SLCO4A1: variants seen among roughly 807,000 people sequenced by gnomAD.
SLCO4A1 encodes colon organic anion transporter.
In SLCO4A1, 51 loss-of-function variants were observed where a neutral mutation model predicts 64.6. That is an observed-to-expected ratio of 0.79 (90% CI 0.63 to 1.00). SLCO4A1 has a LOEUF of 1.00. SLCO4A1 is among the 50% of genes least tolerant of loss of function. The pLI, the probability that SLCO4A1 is intolerant of heterozygous loss-of-function variation, is 0.00. For synonymous variants in SLCO4A1, 471 were observed against 444.9 expected, an observed-to-expected ratio of 1.06 and a Z score of -0.74; for missense variants, 919 against 980.5, an observed-to-expected ratio of 0.94 and a Z score of 0.84.
At chr20:62,655,940 C>T (rs1983626319) in intron 1 of SLCO4A1, among the ~76,000 whole-genome samples, 1 of 152,220 alleles carries the variant, frequency 6.6e-6, no homozygotes, top group African/African-American at 2.4e-5. Context: ...GTGGCTGACA[C>T]AGCGAGCGGG....
intron 10 of SLCO4A1, 78 bp downstream of exon 10, chr20:62,668,619 A>T (rs1306364357): frequency 7.4e-7 from 1 of 1,347,286 alleles, no homozygotes. Flanking sequence ...GTGTCTAACC[A>T]CCAAGGGGAT....
At chr20:62,666,121 C>CCCCTTCCCCGTCCCCTTCCCCTT in intron 6 of SLCO4A1, 1 of 37,156 alleles carries the variant, frequency 2.7e-5, no homozygotes. Flanking sequence ...CCCCCCCGCT[C>CCCCTTCCCCGTCCCCTTCCCCTT]CCCCTTCCCC....
rs1315657048 is a variant in SLCO4A1, at chr20:62,672,215, G to A, written c.*322G>A. On this transcript the variant is annotated 3_prime_UTR_variant, in exon 12 of 12. Coordinates refer to ENST00000217159, the MANE Select transcript of SLCO4A1 (RefSeq NM_016354.4). ...CTGTGAATCCCACTGGGAGGGCGGT[G>A]GGCCTGCAGCCTGAGGAAGGCTTGT... is the stretch of plus-strand genomic sequence containing the variant. 6.0e-5 allele frequency: 76 copies of A among 1,269,724 alleles called. No homozygotes were observed. Among genetic ancestry groups the A allele is most frequent in the East Asian group, 3.6e-4 (9 of 24,820 alleles). The allele number at this position is 1,269,724 out of a possible 1,614,324, so 78.7% of individuals were successfully genotyped here. A position where few individuals can be genotyped will look rare whatever the true frequency, so the allele number is the denominator to read the frequency against.
At chr20:62,667,466 C>G (rs766824040) in intron 7 of SLCO4A1, 1 of 460,288 alleles carries the variant, frequency 2.2e-6, no homozygotes, top group Non-Finnish European at 3.9e-6. Flanking sequence ...TGTTGCCTGT[C>G]CAAAAACAAA....
Position 62,654,839 on chromosome 20 carries a change from C to T in SLCO4A1, c.-96-1520C>T, listed in dbSNP as rs576620647. On this transcript the variant is annotated intron_variant, in intron 1 of 11. Transcript: ENST00000217159. ...GTGGACTTAGACAACAGAAACGGGCCCTCTCTTACTGCTGAGGACCAGAAA... is the reference window on the plus strand; with the variant it reads ...GTGGACTTAGACAACAGAAACGGGCTCTCTCTTACTGCTGAGGACCAGAAA... Among the ~76,000 whole-genome samples the T allele has an allele frequency of 2.9e-3, 447 of 152,284 alleles. 2 individuals carry two copies. Among genetic ancestry groups the T allele is most frequent in the Non-Finnish European group, 4.4e-3 (297 of 68,032 alleles).
In SLCO4A1 at chr20:62,660,396, A is replaced by G; in HGVS notation, c.888-16A>G. ...TGGGCTGCACGCTGACCCAGGTGCCACTGCCTCTTCCACAGGACGGAGCTG... is the reference window on the plus strand; with the variant it reads ...TGGGCTGCACGCTGACCCAGGTGCCGCTGCCTCTTCCACAGGACGGAGCTG... On this transcript the variant is annotated splice_polypyrimidine_tract_variant and intron_variant, in intron 3 of 11. Transcript: ENST00000217159. 2 of 1,595,866 alleles carry G rather than the reference A, an allele frequency of 1.3e-6. No individual in the cohort carries two copies. The highest frequency in any genetic ancestry group is 1.3e-5 in the African/African-American group (1 of 74,886).
In SLCO4A1 at chr20:62,644,741, G is replaced by T. The variant is rs1446086941; in HGVS notation, c.-97+2188G>T. On this transcript the variant is annotated intron_variant, in intron 1 of 11. Coordinates refer to ENST00000217159, the MANE Select transcript of SLCO4A1 (RefSeq NM_016354.4). This position sits in a 1 kb window ranked among gnomAD's most constrained non-coding sequence, Gnocchi z 5.4. ...ATGAGTGTTAATCCATTTCTGGGGT[G>T]GGTACTGCTGAGCCAATATACATTC... is the stretch of plus-strand genomic sequence containing the variant. 6.6e-6 allele frequency among the ~76,000 whole-genome samples: 1 copy of T among 152,244 alleles called. No individual in the cohort carries two copies. The highest frequency in any genetic ancestry group is 1.5e-5 in the Non-Finnish European group (1 of 68,044).
At chr20:62,655,494 G>A (rs527735754) in intron 1 of SLCO4A1, among the ~76,000 whole-genome samples, 2 of 152,240 alleles carry the variant, frequency 1.3e-5, no homozygotes, top group Non-Finnish European at 2.9e-5. Context: ...TGGGCAGTAG[G>A]GGGGAGCTGT....
chr20:62,647,555 A>T (rs763103474), intron 1 of SLCO4A1, among the ~76,000 whole-genome samples: 1 of 152,234 alleles, frequency 6.6e-6, no homozygotes, highest in Non-Finnish European at 1.5e-5. Flanking sequence ...CCCTGGGGAC[A>T]TTTGCTGGGC....
downstream of SLCO4A1, among the ~76,000 whole-genome samples, chr20:62,690,448 C>T (rs775548779): frequency 4.6e-5 from 7 of 152,198 alleles, no homozygotes; most frequent in Non-Finnish European, 7.3e-5. Context: ...GAGGGAGCTG[C>T]ATGCTCTCAC....
intron 3 of SLCO4A1, 134 bp downstream of exon 3, chr20:62,658,901 G>A: frequency 1.3e-6 from 1 of 746,294 alleles, no homozygotes; most frequent in Non-Finnish European, 2.2e-6. Flanking sequence ...GGGCTGGAGG[G>A]AGTCAAGGCT....
intron 11 of SLCO4A1, chr20:62,669,945 C>A (rs1986993439): frequency 6.6e-6 from 1 of 152,224 alleles, no homozygotes; most frequent in Non-Finnish European, 1.5e-5. Flanking sequence ...GTTTCACTTT[C>A]CACAGTTTCA....
chr20:62,652,809 G>A (rs1329898390), intron 1 of SLCO4A1, among the ~76,000 whole-genome samples: 3 of 152,202 alleles, frequency 2.0e-5, no homozygotes, highest in East Asian at 1.9e-4. Context: ...TCTGCTGTCC[G>A]AGGCCTCCAA....
chr20:62,671,795 C>T lies in SLCO4A1; in HGVS notation c.2071C>T (p.Pro691Ser). Residue 691 changes from proline to serine, a missense_variant, in exon 12 of 12, where the codon CCC becomes TCC. Pro to Ser is a moderately conservative substitution (Grantham distance 74). Coordinates refer to ENST00000217159, the MANE Select transcript of SLCO4A1 (RefSeq NM_016354.4). ...FFAIACFLYK[P>S]LSESSDGLET... is the part of the protein sequence containing the mutation. The stretch of plus-strand genomic sequence containing the variant: ...TGCCATAGCCTGCTTCTTATACAAG[C>T]CCCTGTCGGAGTCTTCAGATGGCCT... The T allele has an allele frequency of 1.2e-6, 2 of 1,613,712 alleles. No homozygotes were observed. Among genetic ancestry groups the T allele is most frequent in the African/African-American group, 2.7e-5 (2 of 75,068 alleles).
downstream of SLCO4A1, among the ~76,000 whole-genome samples, chr20:62,674,957 A>G (rs943041168): frequency 6.6e-6 from 1 of 152,190 alleles, no homozygotes; most frequent in Non-Finnish European, 1.5e-5. Flanking sequence ...TTGAGCCGCC[A>G]AGCTATGGTT....
At chr20:62,675,814 C>G (rs983130645), downstream of SLCO4A1, among the ~76,000 whole-genome samples, 1 of 152,200 alleles carries the variant, frequency 6.6e-6, no homozygotes, top group Non-Finnish European at 1.5e-5. Flanking sequence ...ACAGCCAGCC[C>G]CTGTCCTCCC....
At chr20:62,655,014 A>C (rs767323972) in intron 1 of SLCO4A1, among the ~76,000 whole-genome samples, 1 of 152,204 alleles carries the variant, frequency 6.6e-6, no homozygotes, top group African/African-American at 2.4e-5. Flanking sequence ...ATCAGGGCCC[A>C]CCCAATGTCC....
intron 2 of SLCO4A1, among the ~76,000 whole-genome samples, chr20:62,677,596 C>T (rs570013756): frequency 6.0e-4 from 92 of 152,252 alleles, no homozygotes; most frequent in East Asian, 7.7e-4. Context: ...AGGAAGGGGG[C>T]GTAGAGACCT....
intron 3 of SLCO4A1, among the ~76,000 whole-genome samples, chr20:62,659,004 T>A (rs538878940): frequency 2.9e-4 from 44 of 152,332 alleles, no homozygotes; most frequent in African/African-American, 9.9e-4. Flanking sequence ...GCCCGAGGCC[T>A]AAGCGCTTGC....
Sources: gnomAD v4.1 joint callset for allele counts (sites outside exome capture counted in the v4.1 genomes callset) on GRCh38, gnomAD v4.1.1 for gene constraint, Gnocchi (gnomAD v3.1) non-coding constraint, MANE v1.5 for transcripts, NCBI Gene and HGNC (gene_info 2026-07-23, HGNC 2026-07-21) for gene names.